COL4A5: variants seen among roughly 807,000 people sequenced by gnomAD.
COL4A5 encodes collagen type IV alpha 5 chain.
In COL4A5, 26 loss-of-function variants were observed where a neutral mutation model predicts 130.2. That is an observed-to-expected ratio of 0.20 (90% CI 0.15 to 0.28). COL4A5 has a LOEUF of 0.28. Ranked by LOEUF, COL4A5 falls within the 10% of genes least tolerant of loss-of-function variation. COL4A5 has a pLI of 1.00. For missense variants in COL4A5, 1,131 were observed against 1,344.3 expected (o/e 0.84, Z 2.48); for synonymous variants, 496 against 439.6 (o/e 1.13, Z -1.60).
At chrX:108,590,786 G>A (rs2066419507) in intron 19 of COL4A5, among the ~76,000 whole-genome samples, 1 of 111,398 alleles carries the variant, frequency 9.0e-6, no homozygotes, top group African/African-American at 3.3e-5. Flanking sequence ...GTATTTTTGA[G>A]ATTATAAGAA....
Position 108,674,822 on chromosome X carries a change from A to G in COL4A5, c.3808+69A>G, listed in dbSNP as rs2068276051. 2.8e-6 allele frequency: 3 copies of G among 1,081,979 alleles called. 1 individual carries two copies. The Admixed American group carries it at 7.9e-5, about 29-fold the overall frequency. The allele number at this position is 1,081,979 out of a possible 1,213,427, so 89.2% of individuals were successfully genotyped here. A position where few individuals can be genotyped will look rare whatever the true frequency, so the allele number is the denominator to read the frequency against. The stretch of plus-strand genomic sequence containing the variant: ...ATGCTTTGTGTGTGTGATAAGAGAA[A>G]TGCAATTTTTTGCTATAATTCAGAA... On this transcript the variant is annotated intron_variant, in intron 43 of 52. Coordinates refer to ENST00000328300, the MANE Select transcript of COL4A5 (RefSeq NM_033380.3).
intron 2 of COL4A5, among the ~76,000 whole-genome samples, chrX:108,553,043 C>T (rs1232187952): frequency 9.0e-6 from 1 of 111,404 alleles, no homozygotes; most frequent in African/African-American, 3.3e-5. Flanking sequence ...GTTGCATATG[C>T]GTATGCACAA....
chrX:108,479,594 T>A (rs1054916701), intron 1 of COL4A5, among the ~76,000 whole-genome samples: 1 of 111,794 alleles, frequency 8.9e-6, no homozygotes, highest in South Asian at 3.8e-4. Flanking sequence ...CATGACACCA[T>A]CATTGCATGC....
intron 37 of COL4A5, among the ~76,000 whole-genome samples, chrX:108,659,019 A>G (rs1300152862): frequency 9.0e-6 from 1 of 111,169 alleles, no homozygotes; most frequent in Non-Finnish European, 1.9e-5. Flanking sequence ...CTTTTCTAAT[A>G]GATGTATTTA....
chrX:108,694,385 C>T (rs1296054138), intron 50 of COL4A5: 1 of 172,091 alleles, frequency 5.8e-6, no homozygotes, highest in Non-Finnish European at 1.1e-5. Flanking sequence ...AGAAAGCGTC[C>T]GTTTCTTATA....
In COL4A5 at chrX:108,593,888, T is replaced by A. The variant is rs773527528; in HGVS notation, c.1424-1621T>A. 9.8e-5 allele frequency among the ~76,000 whole-genome samples: 11 copies of A among 112,397 alleles called. No homozygotes were observed. In the South Asian group the frequency reaches 4.1e-3, roughly 41 times the overall value. Reference sequence around the variant, plus strand: ...CATCTTAGAATTATCTATCCAACTTTTAAGTTTAAAATGCTCCAAGGTTGA... The same window carrying A: ...CATCTTAGAATTATCTATCCAACTTATAAGTTTAAAATGCTCCAAGGTTGA... On this transcript the variant is annotated intron_variant, in intron 21 of 52. Coordinates refer to ENST00000328300, the MANE Select transcript of COL4A5 (RefSeq NM_033380.3).
intron 2 of COL4A5, among the ~76,000 whole-genome samples, chrX:108,550,951 A>G (rs1485623646): frequency 3.6e-5 from 4 of 111,589 alleles, no homozygotes; most frequent in Middle Eastern, 4.6e-3. Context: ...ATGTAGAAGA[A>G]TGAAATCAGA....
chrX:108,446,893 A>G (rs1383881565), intron 1 of COL4A5, among the ~76,000 whole-genome samples: 3 of 111,597 alleles, frequency 2.7e-5, no homozygotes, highest in Non-Finnish European at 5.7e-5. Context: ...CTTTACCATA[A>G]CTGCCTAGGC....
intron 1 of COL4A5, among the ~76,000 whole-genome samples, chrX:108,454,265 G>T (rs2064559052): frequency 9.0e-6 from 1 of 111,010 alleles, no homozygotes; most frequent in Admixed American, 9.6e-5. Flanking sequence ...TTGTTTGTTG[G>T]TTTGTTTTGT....
chrX:108,547,495 C>T (rs373389366), intron 2 of COL4A5, among the ~76,000 whole-genome samples: 4 of 111,547 alleles, frequency 3.6e-5, no homozygotes, highest in East Asian at 2.8e-4. Flanking sequence ...GGTACCCGGC[C>T]GTGTGAGGTG....
At chrX:108,521,432 TTC>T (rs1348152557) in intron 1 of COL4A5, among the ~76,000 whole-genome samples, 1 of 110,873 alleles carries the variant, frequency 9.0e-6, no homozygotes, top group Non-Finnish European at 1.9e-5. Context: ...TTTGTCTACC[TTC>T]TAGTACAATA....
chrX:108,665,711 C>A, intron 38 of COL4A5, 124 bp downstream of exon 38: 1 of 514,614 alleles, frequency 1.9e-6, no homozygotes, highest in Non-Finnish European at 3.4e-6. Context: ...TGTTCATTCA[C>A]TTAACACTGC....
At chrX:108,505,700 C>T (rs1364307597) in intron 1 of COL4A5, among the ~76,000 whole-genome samples, 1 of 112,053 alleles carries the variant, frequency 8.9e-6, no homozygotes, top group African/African-American at 3.2e-5. Flanking sequence ...CTTGCCAGAA[C>T]CTTGATCTCA....
chrX:108,685,039 A>C (rs2346366), intron 47 of COL4A5, among the ~76,000 whole-genome samples: 6,655 of 111,955 alleles, frequency 0.059, 219 homozygotes, highest in East Asian at 0.16. Context: ...AAAGGCCTTC[A>C]ACAAAATTCA....
intron 1 of COL4A5, among the ~76,000 whole-genome samples, chrX:108,454,382 A>G (rs913131359): frequency 9.0e-6 from 1 of 110,949 alleles, no homozygotes; most frequent in African/African-American, 3.3e-5. Context: ...AGTTCAAGTG[A>G]TTCTCCTGCC....
At chrX:108,574,501 T>G (rs1046415176) in intron 9 of COL4A5, among the ~76,000 whole-genome samples, 2 of 111,864 alleles carry the variant, frequency 1.8e-5, no homozygotes, top group Non-Finnish European at 3.8e-5. Flanking sequence ...TGTGTCCCCC[T>G]TGGTAATCAA....
intron 37 of COL4A5, among the ~76,000 whole-genome samples, chrX:108,656,896 T>TCAAGATATG (rs1413138802): frequency 1.8e-5 from 2 of 111,720 alleles, no homozygotes; most frequent in Non-Finnish European, 3.8e-5. Flanking sequence ...CTTTATATAC[T>TCAAGATATG]CAAGATATGA....
chrX:108,573,020 A>G (rs970512359), intron 8 of COL4A5, among the ~76,000 whole-genome samples: 9 of 110,179 alleles, frequency 8.2e-5, no homozygotes, highest in Admixed American at 1.9e-4. Flanking sequence ...TCTTCCTCCT[A>G]TCTTTGCCTG....
intron 47 of COL4A5, among the ~76,000 whole-genome samples, chrX:108,682,145 A>G (rs2068445125): frequency 9.0e-6 from 1 of 111,179 alleles, no homozygotes; most frequent in African/African-American, 3.3e-5. Flanking sequence ...CTTATGAGTG[A>G]AAACATGTGG....
Sources: allele counts gnomAD v4.1 joint callset (sites outside exome capture counted in the v4.1 genomes callset), GRCh38; gene constraint gnomAD v4.1.1; transcripts MANE v1.5; gene names NCBI Gene and HGNC (gene_info 2026-07-23, HGNC 2026-07-21).